The following NELL1 variants were observed in gnomAD, a reference collection of about 807,000 sequenced individuals.
NELL1 encodes neural EGFL like 1.
A neutral mutation model predicts 107.4 loss-of-function variants in NELL1; 76 were observed. The ratio of observed to expected loss-of-function variants is 0.71; its 90% confidence interval spans 0.59 to 0.86. NELL1 has a LOEUF of 0.86. NELL1 is among the 40% of genes least tolerant of loss of function. The pLI is 0.00. For synonymous variants in NELL1, 353 were observed against 341.2 expected (o/e 1.03, Z -0.38); for missense variants, 1,024 against 1,005.5 (o/e 1.02, Z -0.25).
intron 15 of NELL1, among the ~76,000 whole-genome samples, chr11:21,526,974 G>T (rs548197264): frequency 2.0e-4 from 31 of 152,254 alleles, no homozygotes; most frequent in African/African-American, 7.0e-4. Flanking sequence ...GCAAATTTCT[G>T]CTGCCTGCTT....
chr11:21,471,199 A>C lies in NELL1; in HGVS notation c.1646-63175A>C, dbSNP rs528069352. ...CCATACATGAATCATATTGTTTTCC[A>C]CTCACTCTTTTGCCCTCTTTTCAGC... is the stretch of plus-strand genomic sequence containing the variant. On this transcript the variant is annotated intron_variant, in intron 15 of 19. Coordinates refer to ENST00000357134, the MANE Select transcript of NELL1 (RefSeq NM_006157.5). 2.6e-5 allele frequency among the ~76,000 whole-genome samples: 4 copies of C among 152,044 alleles called. No homozygotes were observed. In the South Asian group the frequency reaches 8.3e-4, roughly 32 times the overall value.
intron 13 of NELL1, among the ~76,000 whole-genome samples, chr11:21,127,968 T>C (rs1565073961): frequency 6.6e-6 from 1 of 152,180 alleles, no homozygotes; most frequent in Non-Finnish European, 1.5e-5. Flanking sequence ...TGCATTTTTT[T>C]TCTTTCTGTA....
intron 12 of NELL1, among the ~76,000 whole-genome samples, chr11:21,029,598 C>G (rs533856101): frequency 6.6e-6 from 1 of 152,178 alleles, no homozygotes; most frequent in South Asian, 2.1e-4. Flanking sequence ...TCTCTGAAAA[C>G]TCCATTTTAA....
intron 14 of NELL1, among the ~76,000 whole-genome samples, chr11:21,257,875 C>T (rs1327804645): frequency 6.6e-6 from 1 of 151,922 alleles, no homozygotes; most frequent in Non-Finnish European, 1.5e-5. Flanking sequence ...GAGCATCCTA[C>T]CCTAAGTGAC....
At chr11:21,309,264 A>AT (rs1554999436) in intron 14 of NELL1, among the ~76,000 whole-genome samples, 1 of 33,248 alleles carries the variant, frequency 3.0e-5, no homozygotes, top group African/African-American at 1.0e-4. Flanking sequence ...ATATATGTAT[A>AT]TATATATATA....
chr11:21,430,339 A>G (rs1016379954), intron 15 of NELL1, among the ~76,000 whole-genome samples: 1 of 152,180 alleles, frequency 6.6e-6, no homozygotes, highest in Admixed American at 6.5e-5. Flanking sequence ...CTCTTTCTAT[A>G]TGATTGTATA....
intron 14 of NELL1, chr11:21,260,543 TA>T (rs2133921638): frequency 6.6e-6 from 1 of 152,008 alleles, no homozygotes; most frequent in Non-Finnish European, 1.5e-5. Flanking sequence ...ACCATTTAGG[TA>T]TGCACATTCT....
chr11:21,542,440 G>A (rs1362333154), intron 16 of NELL1, among the ~76,000 whole-genome samples: 1 of 152,046 alleles, frequency 6.6e-6, no homozygotes, highest in Non-Finnish European at 1.5e-5. Flanking sequence ...AAACAGATGA[G>A]ACCCAGATGG....
intron 14 of NELL1, among the ~76,000 whole-genome samples, chr11:21,337,848 T>TTGCTTG (rs1565175663): frequency 2.8e-5 from 4 of 145,106 alleles, no homozygotes; most frequent in African/African-American, 1.1e-4. Context: ...TTTCTTTCTT[T>TTGCTTG]CTTTCTTTCT....
chr11:21,409,023 C>G (rs1049206604), intron 15 of NELL1, among the ~76,000 whole-genome samples: 1 of 151,928 alleles, frequency 6.6e-6, no homozygotes, highest in Admixed American at 6.6e-5. Flanking sequence ...GTCAGTGTGG[C>G]GATTCCTCAG....
intron 12 of NELL1, among the ~76,000 whole-genome samples, chr11:21,108,891 T>G (rs1855036436): frequency 6.6e-6 from 1 of 152,152 alleles, no homozygotes; most frequent in African/African-American, 2.4e-5. Context: ...TTTGGAGATC[T>G]ATTTGTTTCC....
At chr11:20,861,983 A>C (rs1564938365) in intron 4 of NELL1, among the ~76,000 whole-genome samples, 2 of 152,208 alleles carry the variant, frequency 1.3e-5, no homozygotes, top group East Asian at 1.9e-4. Flanking sequence ...GGCTGAAACT[A>C]TAAGGATATA....
intron 13 of NELL1, among the ~76,000 whole-genome samples, chr11:21,161,401 G>A (rs187255647): frequency 1.3e-5 from 2 of 152,288 alleles, no homozygotes; most frequent in Admixed American, 1.3e-4. Flanking sequence ...GCTGGGTGTA[G>A]TGGCGCACGC....
intron 14 of NELL1, among the ~76,000 whole-genome samples, chr11:21,304,988 A>C (rs192097156): frequency 1.8e-3 from 267 of 152,114 alleles, no homozygotes; most frequent in African/African-American, 6.0e-3. Flanking sequence ...GGAAACAATA[A>C]AAGAAGATGG....
chr11:20,755,911 G>T (rs1278341049), intron 2 of NELL1, among the ~76,000 whole-genome samples: 2 of 93,500 alleles, frequency 2.1e-5, no homozygotes. Context: ...TTTTTTTTAT[G>T]AGACGGAGTC....
At chr11:21,030,528 C>T (rs910390785) in intron 12 of NELL1, among the ~76,000 whole-genome samples, 5 of 151,910 alleles carry the variant, frequency 3.3e-5, no homozygotes, top group African/African-American at 1.2e-4. Context: ...GACCCAGTGA[C>T]AATGAGAACT....
At chr11:21,482,265 A>G (rs969097105) in intron 15 of NELL1, among the ~76,000 whole-genome samples, 1 of 152,198 alleles carries the variant, frequency 6.6e-6, no homozygotes, top group Non-Finnish European at 1.5e-5. Flanking sequence ...AGTGTTGAGT[A>G]ATCTCCAACA....
chr11:20,904,652 G>A (rs998032449), intron 5 of NELL1, among the ~76,000 whole-genome samples: 1 of 152,042 alleles, frequency 6.6e-6, no homozygotes, highest in African/African-American at 2.4e-5. Flanking sequence ...AACACCCAAA[G>A]CTTTCATCTT....
chr11:21,570,717 C>T (rs1857080465), intron 17 of NELL1, 47 bp from the exon 18 acceptor site: 2 of 1,567,844 alleles, frequency 1.3e-6, no homozygotes, highest in Non-Finnish European at 8.7e-7. Flanking sequence ...TGTAGCTGTC[C>T]ATCATGTCCT....
Sources: allele counts gnomAD v4.1 joint callset (sites outside exome capture counted in the v4.1 genomes callset), GRCh38; gene constraint gnomAD v4.1.1; transcripts MANE v1.5; gene names NCBI Gene and HGNC (gene_info 2026-07-23, HGNC 2026-07-21).